Variants in ST18 observed in about 807,000 individuals in gnomAD.
ST18 encodes the protein suppression of tumorigenicity 18 protein.
In ST18, 50 loss-of-function variants were observed where a neutral mutation model predicts 110.0. The ratio of observed to expected loss-of-function variants is 0.45; its 90% CI spans 0.36 to 0.58. The LOEUF (loss-of-function observed/expected upper bound fraction) is 0.58. Ranked by LOEUF, ST18 falls within the 20% of genes least tolerant of loss-of-function variation. The pLI is 0.00. For missense variants in ST18, 1,306 were observed against 1,280.1 expected (o/e 1.02, Z -0.31); for synonymous variants, 461 against 452.4 (o/e 1.02, Z -0.24).
At chr8:52,257,989 T>C (rs79354534) in intron 2 of ST18, among the ~76,000 whole-genome samples, 6,559 of 152,292 alleles carry the variant, frequency 0.043, 228 homozygotes, top group Admixed American at 0.085. Context: ...TGCATTCTTT[T>C]TCATGTGAAT....
At position 52,149,972 on chromosome 8, in the gene ST18, G is replaced by T; in HGVS notation, c.1812C>A (p.Ala604=). 1 of 1,613,272 alleles carries T rather than the reference G, an allele frequency of 6.2e-7. No individual in the cohort carries two copies. Residue 604 remains alanine, a synonymous_variant, in exon 16 of 26, where the codon GCC becomes GCA. Transcript: ENST00000689386. ...NKPQSLHAKG[A]EIEVDENGTL... ...TGCCATTTTCATCCACTTCTATTTC[G>T]GCTCCCTGGTATACAATAGGAAACA...
intron 2 of ST18, among the ~76,000 whole-genome samples, chr8:52,383,837 C>G (rs1020339706): frequency 4.0e-5 from 6 of 151,388 alleles, no homozygotes; most frequent in African/African-American, 1.5e-4. Context: ...TAGCCTCAAA[C>G]CCCTGGCTCA....
At position 52,113,489 on chromosome 8, in the gene ST18, C is replaced by A. The variant is rs1035758; in HGVS notation, c.3004-151G>T. The A allele has an allele frequency of 2.3e-3, 1,794 of 782,630 alleles. 19 individuals carry two copies. The African/African-American group carries it at 0.028, about 12-fold the overall frequency. 48.5% of individuals were successfully genotyped at this position (782,630 alleles called of 1,614,324 possible). On this transcript the variant is annotated intron_variant, in intron 25 of 25. Coordinates refer to ENST00000689386, the MANE Select transcript of ST18 (RefSeq NM_001352837.2). The stretch of plus-strand genomic sequence containing the variant: ...TGGGGTTGCAGGGGATGGAGAGAGA[C>A]GGAGTGTGTGTGGGATTCATCTGTT...
In ST18 at chr8:52,150,050, G is replaced by C. The variant is rs1022885372; in HGVS notation, c.1807-73C>G. 2.3e-5 allele frequency: 35 copies of C among 1,518,878 alleles called. No individual in the cohort carries two copies. The African/African-American group carries it at 4.6e-4, about 20-fold the overall frequency. 94.1% of individuals were successfully genotyped at this position (1,518,878 alleles called of 1,614,324 possible). A position where few individuals can be genotyped will look rare whatever the true frequency, so the allele number is the denominator to read the frequency against. On this transcript the variant is annotated intron_variant, in intron 15 of 25. Transcript: ENST00000689386. Reference sequence around the variant, plus strand: ...CAGCCTAGCCATGTGGGGCTTTTAAGGGATCATTTTAAATGTAAGCTTTTA... The same window carrying C: ...CAGCCTAGCCATGTGGGGCTTTTAACGGATCATTTTAAATGTAAGCTTTTA...
At chr8:52,242,956 C>T (rs2093559906) in intron 2 of ST18, among the ~76,000 whole-genome samples, 2 of 151,430 alleles carry the variant, frequency 1.3e-5, no homozygotes, top group African/African-American at 4.8e-5. Context: ...AAAATGTTTT[C>T]TGCTTGAGTC....
chr8:52,137,394 C>A (rs1272576099), intron 18 of ST18, 27 bp downstream of exon 18: 4 of 1,613,090 alleles, frequency 2.5e-6, no homozygotes, highest in Non-Finnish European at 3.4e-6. Context: ...CCATGAAAAT[C>A]TGACTGCACA....
intron 2 of ST18, among the ~76,000 whole-genome samples, chr8:52,241,777 T>A (rs1298127696): frequency 1.3e-5 from 2 of 152,242 alleles, no homozygotes; most frequent in Non-Finnish European, 2.9e-5. Flanking sequence ...AAAATCATTT[T>A]AAATCATATT....
chr8:52,308,205 C>T (rs2095844984), intron 2 of ST18, among the ~76,000 whole-genome samples: 1 of 152,174 alleles, frequency 6.6e-6, no homozygotes, highest in Non-Finnish European at 1.5e-5. Context: ...GGTCCCAAAG[C>T]ACAATCAAAC....
chr8:52,378,438 A>G (rs1323141971), intron 2 of ST18, among the ~76,000 whole-genome samples: 1 of 152,230 alleles, frequency 6.6e-6, no homozygotes. Flanking sequence ...ACTGCTAAAA[A>G]GGGCATCCAT....
chr8:52,168,868 G>A (rs2063856586), intron 10 of ST18, among the ~76,000 whole-genome samples: 1 of 152,156 alleles, frequency 6.6e-6, no homozygotes, highest in African/African-American at 2.4e-5. Flanking sequence ...AGTCTGATTA[G>A]GGGAACTGAG....
chr8:52,307,697 C>T (rs2095837679), intron 2 of ST18, among the ~76,000 whole-genome samples: 1 of 152,174 alleles, frequency 6.6e-6, no homozygotes, highest in Non-Finnish European at 1.5e-5. Flanking sequence ...TGAATGTGTA[C>T]ATGAGGATGT....
At chr8:52,337,312 T>C (rs1229757069) in intron 2 of ST18, among the ~76,000 whole-genome samples, 1 of 152,188 alleles carries the variant, frequency 6.6e-6, no homozygotes, top group Non-Finnish European at 1.5e-5. Context: ...GATTTTTCGG[T>C]GCAATTTGTT....
Position 52,220,780 on chromosome 8 carries a change from T to G in ST18, c.-196A>C, listed in dbSNP as rs1453138021. 6.6e-6 allele frequency: 1 copy of G among 152,222 alleles called. No homozygotes were observed. Among genetic ancestry groups the G allele is most frequent in the Non-Finnish European group, 1.5e-5 (1 of 68,024 alleles). The allele number at this position is 152,222 out of a possible 1,614,324, so 9.4% of individuals were successfully genotyped here. A position where few individuals can be genotyped will look rare whatever the true frequency, so the allele number is the denominator to read the frequency against. ...AGGTAACTTGTATGTCAACTCAGTT[T>G]GCCCTGCTGTGTCAGGGGGACTAAA... is the stretch of plus-strand genomic sequence containing the variant. On this transcript the variant is annotated 5_prime_UTR_variant, in exon 5 of 26. Transcript: ENST00000689386.
rs112043485 is a variant in ST18, at chr8:52,361,173, T to G, written c.-465+48155A>C. Among the ~76,000 whole-genome samples the G allele has an allele frequency of 6.2e-4, 95 of 152,344 alleles. 1 individual carries two copies. The highest frequency in any genetic ancestry group is 2.2e-3 in the African/African-American group (91 of 41,594). ...TTGCAACATTTTTAAGCCTACATAG[T>G]TTCCTTTATTTAGATATAGAATCGA... On this transcript the variant is annotated intron_variant, in intron 2 of 25. Transcript: ENST00000689386.
intron 14 of ST18, among the ~76,000 whole-genome samples, chr8:52,159,807 T>C (rs1018561607): frequency 6.6e-6 from 1 of 152,232 alleles, no homozygotes; most frequent in East Asian, 1.9e-4. Context: ...TTCCATTTTA[T>C]GTTTCTGTTG....
intron 2 of ST18, among the ~76,000 whole-genome samples, chr8:52,255,853 G>A (rs1465560555): frequency 4.6e-5 from 7 of 152,226 alleles, no homozygotes. Context: ...GAACGTGAGA[G>A]AAAAGATCTC....
At chr8:52,219,621 T>C (rs1235231909) in intron 5 of ST18, among the ~76,000 whole-genome samples, 1 of 152,158 alleles carries the variant, frequency 6.6e-6, no homozygotes, top group African/African-American at 2.4e-5. Context: ...CTCCTACACC[T>C]GTAAATACCA....
intron 2 of ST18, among the ~76,000 whole-genome samples, chr8:52,352,794 G>A (rs889450437): frequency 2.0e-5 from 3 of 152,228 alleles, no homozygotes; most frequent in Non-Finnish European, 4.4e-5. Flanking sequence ...ACATTGCAGA[G>A]AACCGTGGGA....
At chr8:52,390,470 A>G (rs577427068) in intron 2 of ST18, among the ~76,000 whole-genome samples, 23 of 152,358 alleles carry the variant, frequency 1.5e-4, no homozygotes, top group African/African-American at 5.3e-4. Flanking sequence ...AAGAAGGACC[A>G]CAACAGAATC....
Sources: gnomAD v4.1 joint callset for allele counts (sites outside exome capture counted in the v4.1 genomes callset) on GRCh38, gnomAD v4.1.1 for gene constraint, MANE v1.5 for transcripts, NCBI Gene and HGNC (gene_info 2026-07-23, HGNC 2026-07-21) for gene names.